Variants in COL4A6 observed in about 807,000 individuals in gnomAD.
COL4A6 encodes the protein collagen alpha-6(IV) chain.
A neutral mutation model predicts 126.7 loss-of-function variants in COL4A6; 59 were observed. The observed-to-expected ratio is 0.47, with a 90% CI of 0.38 to 0.58. The LOEUF (loss-of-function observed/expected upper bound fraction) is 0.58. Among genes scored for constraint, COL4A6 ranks in the 20% least tolerant of loss-of-function variants. COL4A6 has a pLI of 0.00. For synonymous variants in COL4A6, 547 were observed against 496.6 expected, an observed-to-expected ratio of 1.10 and a Z score of -1.35; for missense variants, 1,285 against 1,337.3, an observed-to-expected ratio of 0.96 and a Z score of 0.61.
chrX:108,380,158 G>T (rs2040532489), intron 2 of COL4A6, among the ~76,000 whole-genome samples: 1 of 112,176 alleles, frequency 8.9e-6, no homozygotes, highest in Admixed American at 9.5e-5. Flanking sequence ...AAAAACACAA[G>T]CTAATGGAGA....
chrX:108,302,650 T>C (rs1302788636), intron 3 of COL4A6, among the ~76,000 whole-genome samples: 1 of 110,675 alleles, frequency 9.0e-6, no homozygotes, highest in African/African-American at 3.3e-5. Flanking sequence ...GAAACATCAA[T>C]ATCTCTGGTA....
At chrX:108,271,337 C>G (rs963077704) in intron 3 of COL4A6, among the ~76,000 whole-genome samples, 9 of 112,010 alleles carry the variant, frequency 8.0e-5, no homozygotes, top group Admixed American at 5.7e-4. Flanking sequence ...CTTAAAAATC[C>G]CATTGGGCTG....
chrX:108,350,824 T>C (rs1431303737), intron 2 of COL4A6, among the ~76,000 whole-genome samples: 1 of 111,372 alleles, frequency 9.0e-6, no homozygotes, highest in Non-Finnish European at 1.9e-5. Context: ...TCAAAGGACC[T>C]TGGTACTTAG....
chrX:108,405,308 C>T (rs373186662), intron 2 of COL4A6, among the ~76,000 whole-genome samples: 1 of 110,066 alleles, frequency 9.1e-6, no homozygotes, highest in East Asian at 2.9e-4. Context: ...AAGTGATTCC[C>T]GTACCTCAGC....
chrX:108,275,112 A>C (rs1216002704), intron 3 of COL4A6, among the ~76,000 whole-genome samples: 6 of 111,400 alleles, frequency 5.4e-5, no homozygotes, highest in Non-Finnish European at 1.1e-4. Context: ...CCTGCTTTCA[A>C]GTGGTATTCT....
chrX:108,252,553 G>C (rs1355283874), intron 3 of COL4A6, among the ~76,000 whole-genome samples: 1 of 111,551 alleles, frequency 9.0e-6, no homozygotes, highest in African/African-American at 3.3e-5. Flanking sequence ...CTCAGGACCT[G>C]ATAGTGTCAC....
At position 108,390,358 on chromosome X, in the gene COL4A6, AG is replaced by A. The variant is rs199705799; in HGVS notation, c.63+47583del. 6.0e-3 allele frequency among the ~76,000 whole-genome samples: 669 copies of A among 110,883 alleles called. 2 individuals carry two copies. The highest frequency in any genetic ancestry group is 0.036 in the East Asian group (126 of 3,482). On this transcript the variant is annotated intron_variant, in intron 2 of 44. Transcript: ENST00000334504. ...TGGTTTCATTCTCCCCATCATTTTC[AG>A]GTACACCAATCAAACATAGATTTGG...
chrX:108,357,304 C>T (rs1202370882), intron 2 of COL4A6, among the ~76,000 whole-genome samples: 1 of 111,464 alleles, frequency 9.0e-6, no homozygotes, highest in African/African-American at 3.3e-5. Context: ...AAACCTGTTA[C>T]TGATAAGTCT....
At chrX:108,406,171 A>C (rs896784322) in intron 2 of COL4A6, among the ~76,000 whole-genome samples, 2 of 111,249 alleles carry the variant, frequency 1.8e-5, no homozygotes, top group East Asian at 5.7e-4. Flanking sequence ...AGGTCTCACT[A>C]TGTTGCCTAG....
chrX:108,160,103 TTAC>T (rs1049457377), intron 43 of COL4A6, among the ~76,000 whole-genome samples: 3 of 112,252 alleles, frequency 2.7e-5, no homozygotes, highest in African/African-American at 9.7e-5. Flanking sequence ...ATTATTATTA[TTAC>T]TACTACTAAT....
chrX:108,240,812 T>C (rs2036552302), intron 3 of COL4A6, among the ~76,000 whole-genome samples: 2 of 112,413 alleles, frequency 1.8e-5, no homozygotes, highest in African/African-American at 6.5e-5. Context: ...TCAAATTAAA[T>C]ATTGGAGGAA....
chrX:108,406,273 T>C (rs750497370), intron 2 of COL4A6, among the ~76,000 whole-genome samples: 1 of 111,954 alleles, frequency 8.9e-6, no homozygotes, highest in Non-Finnish European at 1.9e-5. Flanking sequence ...ACCAAGCCCA[T>C]GAATCTGTTT....
Position 108,180,510 on chromosome X carries a change from C to A in COL4A6, c.2131+5G>T, listed in dbSNP as rs1479817350. 1.7e-6 allele frequency: 2 copies of A among 1,191,580 alleles called. No individual in the cohort carries two copies. The highest frequency in any genetic ancestry group is 5.9e-5 in the East Asian group (2 of 33,668). On this transcript the variant is annotated splice_donor_5th_base_variant and intron_variant, in intron 25 of 44. Coordinates refer to ENST00000334504, the MANE Select transcript of COL4A6 (RefSeq NM_033641.4). ...AAGCAGGTGAGGAGACACTCCTTTT[C>A]TTACCTGGTAATTCAGGAAGATGAA...
chrX:108,359,927 A>G (rs754518445), intron 2 of COL4A6, among the ~76,000 whole-genome samples: 2 of 112,355 alleles, frequency 1.8e-5, no homozygotes, highest in East Asian at 2.8e-4. Context: ...GTGATCCAGA[A>G]TGGCTATATT....
At chrX:108,259,140 T>C (rs969967959) in intron 3 of COL4A6, among the ~76,000 whole-genome samples, 1 of 111,397 alleles carries the variant, frequency 9.0e-6, no homozygotes, top group African/African-American at 3.3e-5. Context: ...ACTGCATTTG[T>C]TAATCAGAGC....
At chrX:108,266,770 C>A (rs1003590435) in intron 3 of COL4A6, among the ~76,000 whole-genome samples, 1 of 111,580 alleles carries the variant, frequency 9.0e-6, no homozygotes, top group South Asian at 3.8e-4. Context: ...GAACATGGTG[C>A]TACTAAGATT....
At chrX:108,297,627 G>C (rs965801880) in intron 3 of COL4A6, among the ~76,000 whole-genome samples, 3 of 110,809 alleles carry the variant, frequency 2.7e-5, no homozygotes, top group Non-Finnish European at 5.7e-5. Context: ...GGGCTTAAAA[G>C]ATTAGCTATC....
intron 21 of COL4A6, 25 bp downstream of exon 21, chrX:108,188,492 A>G: frequency 9.2e-7 from 1 of 1,085,106 alleles, no homozygotes; most frequent in African/African-American, 1.9e-5. Context: ...TTGCTTCCTC[A>G]GGGTCAAAGT....
At chrX:108,377,921 G>A (rs1360548094) in intron 2 of COL4A6, among the ~76,000 whole-genome samples, 1 of 72,133 alleles carries the variant, frequency 1.4e-5, no homozygotes, top group African/African-American at 5.9e-5. Flanking sequence ...CAGCCTGGGC[G>A]ACAGAGCAAG....
Sources: gnomAD v4.1 joint callset for allele counts (sites outside exome capture counted in the v4.1 genomes callset) on GRCh38, gnomAD v4.1.1 for gene constraint, MANE v1.5 for transcripts, NCBI Gene and HGNC (gene_info 2026-07-23, HGNC 2026-07-21) for gene names.